Variants in MTFR1 observed in about 807,000 individuals in gnomAD.
The protein encoded by MTFR1 is mitochondrial fission regulator 1, also known as chondrocyte protein with a poly-proline region.
A neutral mutation model predicts 38.8 loss-of-function variants in MTFR1; 28 were observed. That is an observed-to-expected ratio of 0.72 (90% CI 0.53 to 0.99). MTFR1 has a LOEUF of 0.99. Ranked by LOEUF, MTFR1 falls within the 50% of genes least tolerant of loss-of-function variation. MTFR1 has a pLI of 0.00. For missense variants in MTFR1, 358 were observed against 395.5 expected, an observed-to-expected ratio of 0.91 and a Z score of 0.81; for synonymous variants, 145 against 137.0, an observed-to-expected ratio of 1.06 and a Z score of -0.41.
intron 4 of MTFR1, among the ~76,000 whole-genome samples, chr8:65,702,512 C>T (rs1318560440): frequency 2.6e-5 from 4 of 151,946 alleles, no homozygotes; most frequent in Non-Finnish European, 4.4e-5. Flanking sequence ...GTTGGCCAGG[C>T]TGGTCTTGAA....
chr8:65,740,176 T>C lies in MTFR1; in HGVS notation c.*48+20695T>C, dbSNP rs532412006. ...AAAATCTGAGAGTTGCTTGGGGGGG[T>C]GGGGAGGGGGAATCACAAAACTAGG... On this transcript the variant is annotated intron_variant, in intron 3 of 3. Coordinates refer to the MTFR1 transcript ENST00000521247. Among the ~76,000 whole-genome samples, 7 of 72,124 alleles carry C rather than the reference T, an allele frequency of 9.7e-5. No homozygotes were observed. The East Asian group carries it at 1.7e-3, about 18-fold the overall frequency. 47.3% of individuals were successfully genotyped at this position (72,124 alleles called of 152,430 possible). A position where few individuals can be genotyped will look rare whatever the true frequency, so the allele number is the denominator to read the frequency against.
chr8:65,759,498 T>TACTGGTTC (rs1459363391), intron 3 of MTFR1, among the ~76,000 whole-genome samples: 1 of 152,186 alleles, frequency 6.6e-6, no homozygotes, highest in Non-Finnish European at 1.5e-5. Context: ...GGGGGATGGC[T>TACTGGTTC]ACTGGTTCAC....
intron 3 of MTFR1, chr8:65,689,688 C>A: frequency 4.7e-6 from 4 of 858,766 alleles, no homozygotes; most frequent in Non-Finnish European, 6.3e-6. Context: ...CAGTCCTTGC[C>A]AGGGCTGACT....
At chr8:65,653,233 G>T (rs77834536) in intron 1 of MTFR1, among the ~76,000 whole-genome samples, 29,155 of 152,070 alleles carry the variant, frequency 0.19, 2,949 homozygotes, top group Middle Eastern at 0.23. Flanking sequence ...TTAAGATCGA[G>T]CACAGTGGCA....
In MTFR1 at chr8:65,758,677, G is replaced by A. The variant is rs117800427; in HGVS notation, c.*49-12270G>A. ...ATCTTTCAAACTATACTCTGAAGAG[G>A]TTATCTCTCTGCCCAGTGCTGGACA... is the stretch of plus-strand genomic sequence containing the variant. On this transcript the variant is annotated intron_variant, in intron 3 of 3. Transcript: ENST00000521247. Among the ~76,000 whole-genome samples, 769 of 152,256 alleles carry A rather than the reference G, an allele frequency of 5.1e-3. 4 individuals carry two copies. Among genetic ancestry groups the A allele is most frequent in the Non-Finnish European group, 7.5e-3 (513 of 68,024 alleles).
intron 1 of MTFR1, among the ~76,000 whole-genome samples, chr8:65,646,014 T>G (rs897302160): frequency 1.3e-5 from 2 of 152,220 alleles, no homozygotes; most frequent in Non-Finnish European, 2.9e-5. Flanking sequence ...AGAATTTAGG[T>G]AACTGCTACA....
chr8:65,681,677 T>C (rs570660651), intron 2 of MTFR1, among the ~76,000 whole-genome samples: 2 of 151,474 alleles, frequency 1.3e-5, no homozygotes, highest in African/African-American at 4.8e-5. Context: ...TTTTGTTTTT[T>C]TTTTTTTTTT....
chr8:65,663,641 A>G (rs1804278225), intron 1 of MTFR1, among the ~76,000 whole-genome samples: 1 of 151,802 alleles, frequency 6.6e-6, no homozygotes, highest in South Asian at 2.1e-4. Context: ...ATAAAAAAGT[A>G]CTAACAATAC....
chr8:65,727,090 C>T, intron 3 of MTFR1: 1 of 1,043,138 alleles, frequency 9.6e-7, no homozygotes, highest in Non-Finnish European at 1.5e-6. Context: ...AATTTATTTT[C>T]ATTACTTTCA....
chr8:65,649,052 A>G (rs1159386009), intron 1 of MTFR1, among the ~76,000 whole-genome samples: 1 of 145,918 alleles, frequency 6.9e-6, no homozygotes, highest in Non-Finnish European at 1.5e-5. Context: ...TGACAATAAG[A>G]AACAATACAA....
intron 3 of MTFR1, among the ~76,000 whole-genome samples, chr8:65,691,081 T>C (rs1805262115): frequency 6.6e-6 from 1 of 152,168 alleles, no homozygotes; most frequent in African/African-American, 2.4e-5. Flanking sequence ...TGAATATCTG[T>C]TTGGATAAGT....
chr8:65,716,852 G>A (rs966950517), intron 2 of MTFR1, among the ~76,000 whole-genome samples: 3 of 152,088 alleles, frequency 2.0e-5, no homozygotes, highest in Non-Finnish European at 2.9e-5. Flanking sequence ...GCCATCTCAC[G>A]AGAGTGACCA....
intron 3 of MTFR1, 104 bp downstream of exon 3, chr8:65,682,555 A>G (rs75071581): frequency 0.013 from 8,205 of 644,292 alleles, 195 homozygotes; most frequent in African/African-American, 0.078. Context: ...CTTTTCACCA[A>G]TTGATGCCAC....
chr8:65,755,863 T>C (rs1175985647), intron 3 of MTFR1, among the ~76,000 whole-genome samples: 1 of 152,204 alleles, frequency 6.6e-6, no homozygotes, highest in African/African-American at 2.4e-5. Flanking sequence ...GCTCAAGAGA[T>C]CTTCTTGCCC....
chr8:65,759,455 GC>G (rs1808392825), intron 3 of MTFR1, among the ~76,000 whole-genome samples: 1 of 152,070 alleles, frequency 6.6e-6, no homozygotes, highest in African/African-American at 2.4e-5. Context: ...AGGCATATGG[GC>G]CATATCCCCA....
chr8:65,720,362 A>G (rs922510764), intron 3 of MTFR1: 3 of 154,204 alleles, frequency 1.9e-5, no homozygotes, highest in African/African-American at 7.2e-5. Flanking sequence ...GAAAATATAC[A>G]TTCTGATTCT....
downstream of MTFR1, among the ~76,000 whole-genome samples, chr8:65,776,160 G>A (rs993020134): frequency 2.6e-5 from 4 of 151,974 alleles, no homozygotes; most frequent in African/African-American, 9.7e-5. Flanking sequence ...TGCATGGTGT[G>A]AACAGGGTCC....
In MTFR1 at chr8:65,677,623, G is replaced by A. The variant is rs576166989; in HGVS notation, c.67-4730G>A. Among the ~76,000 whole-genome samples, 776 of 150,414 alleles carry A rather than the reference G, an allele frequency of 5.2e-3. 7 individuals are homozygous for A. Among genetic ancestry groups the A allele is most frequent in the Non-Finnish European group, 7.8e-3 (527 of 67,480 alleles). On this transcript the variant is annotated intron_variant, in intron 2 of 7. Transcript: ENST00000262146. ...TCTTGAACTCCTGAGCTCGTGACCC[G>A]CCCACCTCGGTCTCCCAAAATGCTG... is the stretch of plus-strand genomic sequence containing the variant.
At chr8:65,677,698 T>C (rs1005312504) in intron 2 of MTFR1, among the ~76,000 whole-genome samples, 1 of 150,990 alleles carries the variant, frequency 6.6e-6, no homozygotes, top group East Asian at 2.0e-4. Flanking sequence ...CTTAATGGCA[T>C]TGGATTGTCT....
Sources: allele counts gnomAD v4.1 joint callset (sites outside exome capture counted in the v4.1 genomes callset), GRCh38; gene constraint gnomAD v4.1.1; transcripts MANE v1.5; gene names NCBI Gene and HGNC (gene_info 2026-07-23, HGNC 2026-07-21).